Variants in OR2L13 observed in about 807,000 individuals in gnomAD.
OR2L13 encodes the protein olfactory receptor 2L13.
A neutral mutation model predicts 15.3 loss-of-function variants in OR2L13; 14 were observed. The observed-to-expected ratio is 0.91, with a 90% CI of 0.60 to 1.43. The LOEUF (loss-of-function observed/expected upper bound fraction) is 1.43, where lower values mean the gene tolerates loss of function less well. Among genes scored for constraint, OR2L13 ranks in the 40% most tolerant of loss-of-function variants. The pLI is 0.00. For synonymous variants in OR2L13, 152 were observed against 142.9 expected (o/e 1.06, Z -0.45); for missense variants, 367 against 387.9 (o/e 0.95, Z 0.45).
the OR2L13 span, among the ~76,000 whole-genome samples, chr1:248,049,787 T>A: frequency 6.6e-6 from 1 of 152,204 alleles, no homozygotes. Context: ...GAACCAGCCT[T>A]ATTTCAGATT....
chr1:248,011,900 T>C, the OR2L13 span, among the ~76,000 whole-genome samples: 1 of 152,156 alleles, frequency 6.6e-6, no homozygotes, highest in African/African-American at 2.4e-5. Flanking sequence ...TACAAAAGAC[T>C]TGACATAAAT....
At chr1:248,076,629 A>G in the OR2L13 span, among the ~76,000 whole-genome samples, 5 of 152,186 alleles carry the variant, frequency 3.3e-5, no homozygotes, top group African/African-American at 9.7e-5. Context: ...GAGTTCACTC[A>G]TGATTTGGCT....
chr1:248,005,621 T>C, the OR2L13 span, among the ~76,000 whole-genome samples: 3 of 152,214 alleles, frequency 2.0e-5, no homozygotes, highest in Non-Finnish European at 4.4e-5. Context: ...GCATTGAATC[T>C]GTAGTTTGGT....
chr1:248,052,216 T>C, the OR2L13 span, among the ~76,000 whole-genome samples: 1 of 152,226 alleles, frequency 6.6e-6, no homozygotes, highest in African/African-American at 2.4e-5. Flanking sequence ...GGTATAAACA[T>C]CCAACTTCAA....
At chr1:247,997,748 C>G in the OR2L13 span, among the ~76,000 whole-genome samples, 2 of 152,124 alleles carry the variant, frequency 1.3e-5, no homozygotes, top group African/African-American at 2.4e-5. Context: ...AATACATTAT[C>G]AGAACTCATT....
At chr1:247,987,593 G>A in the OR2L13 span, among the ~76,000 whole-genome samples, 6 of 152,012 alleles carry the variant, frequency 3.9e-5, no homozygotes, top group East Asian at 1.9e-4. Flanking sequence ...TAAAATATTC[G>A]ACCCATAACA....
chr1:248,039,947 T>G, the OR2L13 span: 1 of 152,228 alleles, frequency 6.6e-6, no homozygotes, highest in African/African-American at 2.4e-5. Flanking sequence ...GTATAAGAAG[T>G]TCTATAGAAG....
chr1:248,049,863 G>A, the OR2L13 span, among the ~76,000 whole-genome samples: 23,977 of 151,856 alleles, frequency 0.16, 2,119 homozygotes, highest in East Asian at 0.32. Flanking sequence ...ATTAATGTAC[G>A]TTTATTTATC....
At chr1:247,982,342 C>T in the OR2L13 span, among the ~76,000 whole-genome samples, 40,778 of 151,946 alleles carry the variant, frequency 0.27, 9,433 homozygotes, top group African/African-American at 0.63. Context: ...GATTCAGTTA[C>T]TCTTTCTGAT....
the OR2L13 span, among the ~76,000 whole-genome samples, chr1:247,958,956 T>C: frequency 3.9e-3 from 599 of 152,334 alleles, 2 homozygotes; most frequent in African/African-American, 0.013. Context: ...AAGGTTAATA[T>C]TGTTATGTGT....
At chr1:248,022,524 G>A in the OR2L13 span, 3 of 1,614,106 alleles carry the variant, frequency 1.9e-6, no homozygotes, top group Admixed American at 3.3e-5. Flanking sequence ...AGACACCTGG[G>A]TCTATGAGTA....
chr1:247,965,267 A>G, the OR2L13 span: 1 of 1,310,930 alleles, frequency 7.6e-7, no homozygotes, highest in Non-Finnish European at 1.0e-6. Context: ...CAAACATGTA[A>G]GTGAATATTT....
At chr1:247,960,009 A>G in the OR2L13 span, among the ~76,000 whole-genome samples, 1 of 152,068 alleles carries the variant, frequency 6.6e-6, no homozygotes, top group Admixed American at 6.5e-5. Flanking sequence ...GGAGGAGGAG[A>G]GGCGCTCTGA....
chr1:248,074,532 A>T, the OR2L13 span, among the ~76,000 whole-genome samples: 143 of 152,318 alleles, frequency 9.4e-4, no homozygotes, highest in African/African-American at 3.3e-3. Context: ...AAAAATCAAT[A>T]GCATTTCTAT....
At chr1:247,989,701 T>C in the OR2L13 span, among the ~76,000 whole-genome samples, 1 of 152,188 alleles carries the variant, frequency 6.6e-6, no homozygotes, top group African/African-American at 2.4e-5. Context: ...CTAAGGACTT[T>C]TTAAAAACTA....
At chr1:247,943,789 TC>T in the OR2L13 span, among the ~76,000 whole-genome samples, 2 of 152,298 alleles carry the variant, frequency 1.3e-5, no homozygotes, top group East Asian at 1.9e-4. Context: ...ATTTGACATT[TC>T]CCCCAACTAT....
the OR2L13 span, among the ~76,000 whole-genome samples, chr1:248,002,719 G>A: frequency 1.3e-5 from 2 of 152,016 alleles, no homozygotes; most frequent in Non-Finnish European, 2.9e-5. Context: ...TTAGCCAGGC[G>A]TGGTGGCGGG....
At chr1:247,987,913 T>G in the OR2L13 span, among the ~76,000 whole-genome samples, 6 of 152,098 alleles carry the variant, frequency 3.9e-5, no homozygotes, top group East Asian at 1.2e-3. Flanking sequence ...AAAATATATA[T>G]TCTTGTAAAA....
the OR2L13 span, chr1:247,990,858 G>C: frequency 1.3e-6 from 2 of 1,547,872 alleles, no homozygotes; most frequent in Non-Finnish European, 1.8e-6. Flanking sequence ...ATGAGTGCAC[G>C]GTGTTTTTGA....
Sources: gnomAD v4.1 joint callset for allele counts (sites outside exome capture counted in the v4.1 genomes callset) on GRCh38, gnomAD v4.1.1 for gene constraint, MANE v1.5 for transcripts, NCBI Gene and HGNC (gene_info 2026-07-23, HGNC 2026-07-21) for gene names.